Variants in ATP9B observed in about 807,000 individuals in gnomAD.
The protein encoded by ATP9B is ATPase phospholipid transporting 9B, also known as probable phospholipid-transporting ATPase IIB.
ATP9B carries 110 observed loss-of-function variants against 146.1 expected under a neutral mutation model. The observed-to-expected ratio is 0.75, with a 90% CI of 0.65 to 0.88. The LOEUF (loss-of-function observed/expected upper bound fraction) is 0.88. Among genes scored for constraint, ATP9B ranks in the 40% least tolerant of loss-of-function variants. The pLI, the probability that ATP9B is intolerant of heterozygous loss-of-function variation, is 0.00. For synonymous variants in ATP9B, 604 were observed against 569.7 expected (o/e 1.06, Z -0.86); for missense variants, 1,499 against 1,496.4 (o/e 1.00, Z -0.03).
chr18:79,305,139 T>C (rs1289968654), intron 14 of ATP9B, among the ~76,000 whole-genome samples: 1 of 152,260 alleles, frequency 6.6e-6, no homozygotes, highest in Non-Finnish European at 1.5e-5. Context: ...ACGTCAGCTG[T>C]GGAGTCTAGG....
At chr18:79,197,967 G>C (rs941198024) in intron 9 of ATP9B, among the ~76,000 whole-genome samples, 4 of 152,128 alleles carry the variant, frequency 2.6e-5, no homozygotes, top group Admixed American at 2.6e-4. Context: ...AATAACATTA[G>C]GAAGGCACTT....
chr18:79,288,423 C>T (rs1050996392), intron 13 of ATP9B, among the ~76,000 whole-genome samples: 47 of 152,194 alleles, frequency 3.1e-4, no homozygotes, highest in African/African-American at 1.1e-3. Flanking sequence ...TTATCAGAGA[C>T]TGGGATTGCA....
rs150413759 is a variant in ATP9B, at chr18:79,321,636, G to A, written c.1774-7505G>A. Among the ~76,000 whole-genome samples the A allele has an allele frequency of 6.6e-3, 1,004 of 152,242 alleles. 6 individuals are homozygous for A. The highest frequency in any genetic ancestry group is 0.023 in the African/African-American group (939 of 41,524). On this transcript the variant is annotated intron_variant, in intron 15 of 29. Coordinates refer to ENST00000426216, the MANE Select transcript of ATP9B (RefSeq NM_198531.5). ...TTAAAGCATCTATCATGAAAAATTT[G>A]GATATTCTTTTTTTCTGGTTGGCAT...
chr18:79,133,265 C>T (rs1225587207), intron 5 of ATP9B, among the ~76,000 whole-genome samples: 1 of 152,048 alleles, frequency 6.6e-6, no homozygotes, highest in Non-Finnish European at 1.5e-5. Flanking sequence ...AGGATCCATC[C>T]CAGTATTTCA....
chr18:79,096,479 C>T lies in ATP9B; in HGVS notation c.123C>T (p.Tyr41=), dbSNP rs768563044. 6.2e-7 allele frequency: 1 copy of T among 1,613,564 alleles called. No individual in the cohort carries two copies. The highest frequency in any genetic ancestry group is 1.3e-5 in the African/African-American group (1 of 74,882). The part of the protein sequence containing the change: ...PRPGADRHSR[Y]QLEDESAHLD... ...ACTCCATTTTTACCCTAACTAGGTA[C>T]CAGCTGGAGGATGAGTCTGCGCATT... is the stretch of plus-strand genomic sequence containing the variant. Residue 41 remains tyrosine, a synonymous_variant, in exon 2 of 30, where the codon TAC becomes TAT. Transcript: ENST00000426216.
intron 12 of ATP9B, among the ~76,000 whole-genome samples, chr18:79,262,203 A>G (rs1387147255): frequency 1.3e-5 from 2 of 150,100 alleles, no homozygotes; most frequent in South Asian, 2.1e-4. Context: ...TCTCCCCACA[A>G]CCTAGCCCTC....
chr18:79,090,710 A>G (rs2074249889), intron 1 of ATP9B, among the ~76,000 whole-genome samples: 2 of 151,940 alleles, frequency 1.3e-5, no homozygotes, highest in Non-Finnish European at 2.9e-5. Context: ...ATAGGCAAAT[A>G]TTTTCCCCCA....
intron 25 of ATP9B, 41 bp from the exon 26 acceptor site, chr18:79,359,313 A>G (rs1241469652): frequency 5.5e-6 from 8 of 1,452,908 alleles, no homozygotes; most frequent in Admixed American, 3.4e-5. Flanking sequence ...TGTGTGGTAG[A>G]AGTTTCTCAC....
At chr18:79,182,851 A>G (rs1466750765) in intron 8 of ATP9B, among the ~76,000 whole-genome samples, 1 of 152,224 alleles carries the variant, frequency 6.6e-6, no homozygotes, top group Non-Finnish European at 1.5e-5. Context: ...CAGAGCCTGG[A>G]TGCCGGCCCT....
chr18:79,169,480 G>GT (rs2095037016), intron 7 of ATP9B, among the ~76,000 whole-genome samples: 1 of 152,198 alleles, frequency 6.6e-6, no homozygotes, highest in African/African-American at 2.4e-5. Context: ...TGTGAAAGCC[G>GT]TGAGTCTTCA....
intron 6 of ATP9B, among the ~76,000 whole-genome samples, chr18:79,150,086 TAAAAAA>T (rs1228961545): frequency 7.9e-6 from 1 of 125,894 alleles, no homozygotes; most frequent in African/African-American, 3.8e-5. Flanking sequence ...TCTCAAAAAA[TAAAAAA>T]ATAAAAATAA....
At chr18:79,336,439 G>A (rs761280899) in intron 17 of ATP9B, among the ~76,000 whole-genome samples, 189 bp from the exon 18 acceptor site, 2 of 152,332 alleles carry the variant, frequency 1.3e-5, no homozygotes, top group Admixed American at 6.5e-5. Flanking sequence ...CAGACAGGTC[G>A]GGAGGTTAAA....
intron 1 of ATP9B, among the ~76,000 whole-genome samples, chr18:79,093,946 A>G (rs1184760439): frequency 6.6e-6 from 1 of 152,076 alleles, no homozygotes; most frequent in Non-Finnish European, 1.5e-5. Context: ...TATTGGCCAT[A>G]TTTCCCTGTT....
chr18:79,318,943 C>G (rs1313951548), intron 15 of ATP9B, among the ~76,000 whole-genome samples: 1 of 152,150 alleles, frequency 6.6e-6, no homozygotes, highest in African/African-American at 2.4e-5. Flanking sequence ...TGTGGTCTTC[C>G]TTTAACTCGT....
intron 5 of ATP9B, among the ~76,000 whole-genome samples, chr18:79,137,695 G>T (rs2094464242): frequency 6.6e-6 from 1 of 152,182 alleles, no homozygotes; most frequent in Admixed American, 6.5e-5. Flanking sequence ...CCTTCCTTCA[G>T]CCTCTGCATG....
intron 7 of ATP9B, among the ~76,000 whole-genome samples, chr18:79,157,422 A>AAAAAAAAAAAAAC (rs2094810770): frequency 6.8e-6 from 1 of 148,112 alleles, no homozygotes; most frequent in African/African-American, 2.4e-5. Flanking sequence ...AAAAAAAAAA[A>AAAAAAAAAAAAAC]AACATGTATT....
chr18:79,347,925 G>A lies in ATP9B; in HGVS notation c.2838G>A (p.Gln946=). 2 of 1,612,804 alleles carry A rather than the reference G, an allele frequency of 1.2e-6. No individual in the cohort carries two copies. Among genetic ancestry groups the A allele is most frequent in the Non-Finnish European group, 1.7e-6 (2 of 1,179,450 alleles). Residue 946 remains glutamine, a splice_region_variant and synonymous_variant, in exon 24 of 30, where the codon CAG becomes CAA. Transcript: ENST00000426216. ...GGGGCCTTATCATCTCCACCATGCA[G>A]GTACTAAGCCTTCTGTGCTGGCACC... is the stretch of plus-strand genomic sequence containing the variant. ...MHRGLIISTM[Q]AVFSSVFYFA...
rs749990063 is a variant in ATP9B, at chr18:79,069,422, G to C, written c.12G>C (p.Gln4His). 1.3e-6 allele frequency: 2 copies of C among 1,519,524 alleles called. No homozygotes were observed. Among genetic ancestry groups the C allele is most frequent in the East Asian group, 5.5e-5 (2 of 36,454 alleles). 94.1% of individuals were successfully genotyped at this position (1,519,524 alleles called of 1,614,324 possible). The part of the protein sequence containing the change: MAD[Q>H]IPLYPVRSAA... Reference sequence around the variant, plus strand: ...GGGGCGGTCGGAACATGGCGGACCAGATCCCGCTTTACCCGGTGCGTAGCG... The same window carrying C: ...GGGGCGGTCGGAACATGGCGGACCACATCCCGCTTTACCCGGTGCGTAGCG... Residue 4 changes from glutamine (Q) to histidine (H), a missense_variant, in exon 1 of 30, where the codon CAG becomes CAC. Gln to His is a conservative substitution (Grantham distance 24). Coordinates refer to ENST00000426216, the MANE Select transcript of ATP9B (RefSeq NM_198531.5).
chr18:79,138,544 A>C (rs1357885748), intron 5 of ATP9B, among the ~76,000 whole-genome samples: 1 of 152,190 alleles, frequency 6.6e-6, no homozygotes, highest in Non-Finnish European at 1.5e-5. Context: ...GTAATTTGGC[A>C]ATGAGTCTAC....
Sources: allele counts gnomAD v4.1 joint callset (sites outside exome capture counted in the v4.1 genomes callset), GRCh38; gene constraint gnomAD v4.1.1; transcripts MANE v1.5; gene names NCBI Gene and HGNC (gene_info 2026-07-23, HGNC 2026-07-21).